The following ADAMTS3 variants were observed in gnomAD, a reference collection of about 807,000 sequenced individuals.
ADAMTS3 encodes ADAM metallopeptidase with thrombospondin type 1 motif 3.
In ADAMTS3, 73 loss-of-function variants were observed where a neutral mutation model predicts 129.0. That is an observed-to-expected ratio of 0.57 (90% CI 0.47 to 0.69). The LOEUF (loss-of-function observed/expected upper bound fraction) is 0.69. ADAMTS3 is among the 30% of genes least tolerant of loss of function. The probability of loss-of-function intolerance (pLI) is 0.00; values close to 1 mark genes in which losing one functional copy is unlikely to be tolerated. For missense variants in ADAMTS3, 1,457 were observed against 1,514.5 expected (o/e 0.96, Z 0.63); for synonymous variants, 477 against 510.8 (o/e 0.93, Z 0.89).
At chr4:72,371,539 A>C (rs1438326566) in intron 4 of ADAMTS3, among the ~76,000 whole-genome samples, 1 of 151,726 alleles carries the variant, frequency 6.6e-6, no homozygotes, top group Non-Finnish European at 1.5e-5. Context: ...ATTACTAAAA[A>C]CAAAAAATAT....
chr4:72,415,053 A>G (rs1049980181), intron 3 of ADAMTS3, 82 bp from the exon 4 acceptor site: 42 of 1,067,120 alleles, frequency 3.9e-5, no homozygotes, highest in Non-Finnish European at 4.9e-5. Flanking sequence ...TTAAATGTCA[A>G]GAATATGACT....
chr4:72,531,202 G>A (rs954113776), intron 3 of ADAMTS3, among the ~76,000 whole-genome samples: 1 of 152,038 alleles, frequency 6.6e-6, no homozygotes, highest in Non-Finnish European at 1.5e-5. Flanking sequence ...ACCTAAAAAT[G>A]TATTATGGAT....
intron 3 of ADAMTS3, among the ~76,000 whole-genome samples, chr4:72,543,300 T>C (rs775132046): frequency 3.3e-5 from 5 of 152,116 alleles, no homozygotes; most frequent in Non-Finnish European, 5.9e-5. Flanking sequence ...GGGAACAGTA[T>C]GGCAATTTTT....
At chr4:72,450,945 A>C (rs191885679) in intron 3 of ADAMTS3, among the ~76,000 whole-genome samples, 5 of 143,492 alleles carry the variant, frequency 3.5e-5, no homozygotes, top group African/African-American at 7.8e-5. Flanking sequence ...GGAAGGAAGG[A>C]AGGCAGGCAG....
intron 4 of ADAMTS3, among the ~76,000 whole-genome samples, chr4:72,342,898 A>C (rs1720176018): frequency 6.6e-6 from 1 of 152,156 alleles, no homozygotes; most frequent in Non-Finnish European, 1.5e-5. Context: ...AAGGTTTGTC[A>C]TCTTGCACCA....
At chr4:72,374,683 C>G (rs1288895760) in intron 4 of ADAMTS3, among the ~76,000 whole-genome samples, 1 of 152,094 alleles carries the variant, frequency 6.6e-6, no homozygotes, top group African/African-American at 2.4e-5. Flanking sequence ...TTATACATTT[C>G]AAGAGAATGA....
chr4:72,538,496 A>G (rs1721236633), intron 3 of ADAMTS3, among the ~76,000 whole-genome samples: 1 of 152,054 alleles, frequency 6.6e-6, no homozygotes, highest in African/African-American at 2.4e-5. Context: ...TCAGAATAAC[A>G]AGAGAAAAAA....
chr4:72,461,016 A>G (rs1718754484), intron 3 of ADAMTS3, among the ~76,000 whole-genome samples: 2 of 151,780 alleles, frequency 1.3e-5, no homozygotes, highest in South Asian at 4.1e-4. Flanking sequence ...GGGATAGTCA[A>G]TTAAGTTTAA....
intron 4 of ADAMTS3, among the ~76,000 whole-genome samples, chr4:72,388,240 C>T (rs1475390432): frequency 6.6e-6 from 1 of 152,222 alleles, no homozygotes; most frequent in Admixed American, 6.5e-5. Flanking sequence ...AACCTCAGGT[C>T]CTCATCTGGC....
chr4:72,403,419 C>T (rs1487549412), intron 4 of ADAMTS3, among the ~76,000 whole-genome samples: 1 of 151,222 alleles, frequency 6.6e-6, no homozygotes, highest in Admixed American at 6.6e-5. Flanking sequence ...ACATAAAATT[C>T]TGTGGAATTT....
At chr4:72,285,091 C>A (rs2365698) in intron 21 of ADAMTS3, among the ~76,000 whole-genome samples, 1 of 152,110 alleles carries the variant, frequency 6.6e-6, no homozygotes, top group Admixed American at 6.5e-5. Context: ...AAGAGGCCTG[C>A]TACATAACTC....
chr4:72,491,056 A>AAC (rs1719729251), intron 3 of ADAMTS3, among the ~76,000 whole-genome samples: 1 of 151,728 alleles, frequency 6.6e-6, no homozygotes, highest in Non-Finnish European at 1.5e-5. Context: ...TTTATTTCTA[A>AAC]GTATTTTATT....
In ADAMTS3 at chr4:72,312,418, C is replaced by T; in HGVS notation, c.1794G>A (p.Gln598=). The T allele has an allele frequency of 6.2e-7, 1 of 1,613,602 alleles. No homozygotes were observed. The change falls in exon 13 of 22, where the codon CAG becomes CAA. Residue 598 remains glutamine, a synonymous_variant. Coordinates refer to ENST00000286657, the MANE Select transcript of ADAMTS3 (RefSeq NM_014243.3). ...TTTGGCATTCTTCTGTGTTACAAAG[C>T]TGGTACTCAAAATTAACACCAGGAC... ...QDCPGVNFEY[Q]LCNTEECQKH...
At chr4:72,564,481 T>TACACATATATACAGAAACATACTC (rs1215663439) in intron 2 of ADAMTS3, among the ~76,000 whole-genome samples, 1 of 152,166 alleles carries the variant, frequency 6.6e-6, no homozygotes, top group African/African-American at 2.4e-5. Context: ...GAAACATACT[T>TACACATATATACAGAAACATACTC]ACACATATAT....
intron 3 of ADAMTS3, among the ~76,000 whole-genome samples, chr4:72,444,849 G>A (rs1263147496): frequency 6.6e-6 from 1 of 151,678 alleles, no homozygotes; most frequent in Non-Finnish European, 1.5e-5. Flanking sequence ...GCCATACAAT[G>A]GCACACAATT....
At chr4:72,448,783 C>G (rs1184528687) in intron 3 of ADAMTS3, among the ~76,000 whole-genome samples, 1 of 151,380 alleles carries the variant, frequency 6.6e-6, no homozygotes, top group Non-Finnish European at 1.5e-5. Flanking sequence ...CTTTTCTACT[C>G]CCTAAAAAAG....
At chr4:72,287,434 G>C (rs769781950) in intron 21 of ADAMTS3, among the ~76,000 whole-genome samples, 3 of 150,378 alleles carry the variant, frequency 2.0e-5, no homozygotes, top group Admixed American at 6.6e-5. Context: ...GAAAGGGAGA[G>C]GGTGAAGGGG....
chr4:72,466,791 T>C (rs372328717), intron 3 of ADAMTS3, among the ~76,000 whole-genome samples: 99 of 152,116 alleles, frequency 6.5e-4, no homozygotes, highest in Non-Finnish European at 1.3e-3. Flanking sequence ...CTGTACTATA[T>C]ATGAGATGAT....
At chr4:72,381,979 C>T (rs1181855841) in intron 4 of ADAMTS3, among the ~76,000 whole-genome samples, 3 of 152,168 alleles carry the variant, frequency 2.0e-5, no homozygotes, top group African/African-American at 7.2e-5. Context: ...AAGAGGTTCT[C>T]AATTACACGG....
Sources: gnomAD v4.1 joint callset for allele counts (sites outside exome capture counted in the v4.1 genomes callset) on GRCh38, gnomAD v4.1.1 for gene constraint, MANE v1.5 for transcripts, NCBI Gene and HGNC (gene_info 2026-07-23, HGNC 2026-07-21) for gene names.